Variants in COMMD10 observed in about 807,000 individuals in gnomAD.
COMMD10 encodes COMM domain containing 10, also known as COMM domain-containing protein 10.
A neutral mutation model predicts 28.9 loss-of-function variants in COMMD10; 33 were observed. The ratio of observed to expected loss-of-function variants is 1.14; its 90% CI spans 0.87 to 1.53. The LOEUF is 1.53. Among genes scored for constraint, COMMD10 ranks in the 40% most tolerant of loss-of-function variants. COMMD10 has a pLI of 0.00. For synonymous variants in COMMD10, 110 were observed against 81.7 expected (o/e 1.35, Z -1.87); for missense variants, 310 against 233.4 (o/e 1.33, Z -2.14).
chr5:116,280,021 G>C (rs1297060844), intron 5 of COMMD10, among the ~76,000 whole-genome samples: 1 of 151,824 alleles, frequency 6.6e-6, no homozygotes, highest in Non-Finnish European at 1.5e-5. Context: ...GCGATCTGAA[G>C]TTACCACAGT....
chr5:116,222,921 G>A lies in COMMD10; in HGVS notation c.511-68596G>A, dbSNP rs115264040. Among the ~76,000 whole-genome samples, 687 of 152,166 alleles carry A rather than the reference G, an allele frequency of 4.5e-3. 5 individuals carry two copies. Among genetic ancestry groups the A allele is most frequent in the African/African-American group, 0.015 (631 of 41,502 alleles). On this transcript the variant is annotated intron_variant, in intron 5 of 6. Coordinates refer to ENST00000274458, the MANE Select transcript of COMMD10 (RefSeq NM_016144.4). ...TTGATCAGGCTTGTCTTGAACACCT[G>A]ACCTTGTGATCCACCCACCTCAGCC...
In COMMD10 at chr5:116,092,720, A is replaced by T; in HGVS notation, c.399+20A>T. On this transcript the variant is annotated intron_variant, in intron 4 of 6. Transcript: ENST00000274458. ...TGTAAGGTATAGAACATACTGTCTT[A>T]AATATGTTTTTCAATAACATATGGC... The T allele has an allele frequency of 1.3e-6, 2 of 1,488,860 alleles. No homozygotes were observed. Among genetic ancestry groups the T allele is most frequent in the South Asian group, 2.8e-5 (2 of 72,308 alleles). 92.2% of individuals were successfully genotyped at this position (1,488,860 alleles called of 1,614,324 possible). A position where few individuals can be genotyped will look rare whatever the true frequency, so the allele number is the denominator to read the frequency against.
In COMMD10 at chr5:116,140,332, C is replaced by T. The variant is rs191795564; in HGVS notation, c.510+6154C>T. Among the ~76,000 whole-genome samples, 18 of 150,906 alleles carry T rather than the reference C, an allele frequency of 1.2e-4. No homozygotes were observed. The East Asian group carries it at 3.5e-3, about 29-fold the overall frequency. ...ACACATACACATACCACAATTTATC[C>T]ATTGATAGATAGTTACGTTGTTTCC... On this transcript the variant is annotated intron_variant, in intron 5 of 6. Coordinates refer to ENST00000274458, the MANE Select transcript of COMMD10 (RefSeq NM_016144.4).
chr5:116,198,537 C>A (rs62384235), intron 5 of COMMD10, among the ~76,000 whole-genome samples: 1 of 151,954 alleles, frequency 6.6e-6, no homozygotes, highest in Non-Finnish European at 1.5e-5. Flanking sequence ...TCACTCAAGA[C>A]CCTAGTTAAT....
At chr5:116,237,459 T>A (rs1370917445) in intron 5 of COMMD10, among the ~76,000 whole-genome samples, 5 of 148,720 alleles carry the variant, frequency 3.4e-5, no homozygotes, top group Non-Finnish European at 7.4e-5. Context: ...CATAAGTTCA[T>A]AAACTTGAAA....
chr5:116,215,575 T>C (rs1185752512), intron 5 of COMMD10, among the ~76,000 whole-genome samples: 2 of 151,434 alleles, frequency 1.3e-5, no homozygotes, highest in Admixed American at 6.6e-5. Flanking sequence ...TAGTTCCAGC[T>C]ACTCAGGAGG....
chr5:116,172,099 G>C (rs750039902), intron 5 of COMMD10, among the ~76,000 whole-genome samples: 1 of 152,064 alleles, frequency 6.6e-6, no homozygotes, highest in Non-Finnish European at 1.5e-5. Flanking sequence ...CCAAAGGCTG[G>C]AAAAATATAT....
At chr5:116,170,633 C>G (rs1240077936) in intron 5 of COMMD10, among the ~76,000 whole-genome samples, 3 of 152,128 alleles carry the variant, frequency 2.0e-5, no homozygotes, top group African/African-American at 7.2e-5. Context: ...GGTACCAAAA[C>G]AGATATATAT....
chr5:116,121,829 A>T (rs565755897), intron 4 of COMMD10, among the ~76,000 whole-genome samples: 4 of 151,592 alleles, frequency 2.6e-5, no homozygotes, highest in Non-Finnish European at 5.9e-5. Context: ...GAATGGGGTT[A>T]TTTGTTTTTT....
chr5:116,273,843 C>T (rs1435030516), intron 5 of COMMD10, among the ~76,000 whole-genome samples: 1 of 151,534 alleles, frequency 6.6e-6, no homozygotes, highest in Non-Finnish European at 1.5e-5. Context: ...GAACTAAAGT[C>T]ATCATTCAAA....
At chr5:116,181,891 G>A (rs1464560738) in intron 5 of COMMD10, among the ~76,000 whole-genome samples, 1 of 151,926 alleles carries the variant, frequency 6.6e-6, no homozygotes, top group Non-Finnish European at 1.5e-5. Flanking sequence ...CATCTAATAT[G>A]TGCCAGGCAT....
At chr5:116,088,858 C>A (rs531769890) in intron 2 of COMMD10, among the ~76,000 whole-genome samples, 1 of 152,302 alleles carries the variant, frequency 6.6e-6, no homozygotes, top group African/African-American at 2.4e-5. Context: ...GCAACCAAAT[C>A]CCCAAACCTA....
chr5:116,277,453 GA>G (rs370913782), intron 5 of COMMD10, among the ~76,000 whole-genome samples: 1 of 151,866 alleles, frequency 6.6e-6, no homozygotes, highest in African/African-American at 2.4e-5. Flanking sequence ...TTTTCTTCTG[GA>G]TAGTTACTGC....
At position 116,119,495 on chromosome 5, in the gene COMMD10, A is replaced by G. The variant is rs1161100690; in HGVS notation, c.400-14573A>G. 2.6e-5 allele frequency among the ~76,000 whole-genome samples: 4 copies of G among 152,142 alleles called. No homozygotes were observed. The East Asian group carries it at 5.8e-4, about 22-fold the overall frequency. On this transcript the variant is annotated intron_variant, in intron 4 of 6. Coordinates refer to ENST00000274458, the MANE Select transcript of COMMD10 (RefSeq NM_016144.4). ...TAACCCTGTTGGAGATTTGTGCAGT[A>G]TGTCTTATGAAAGTAGGCAGTCACT...
At chr5:116,182,387 T>C (rs1042676122) in intron 5 of COMMD10, among the ~76,000 whole-genome samples, 1 of 151,874 alleles carries the variant, frequency 6.6e-6, no homozygotes, top group Non-Finnish European at 1.5e-5. Context: ...GTAGTATTGT[T>C]TACTGAAATG....
chr5:116,191,743 G>A (rs576744360), intron 5 of COMMD10, among the ~76,000 whole-genome samples: 8 of 151,810 alleles, frequency 5.3e-5, no homozygotes, highest in Non-Finnish European at 1.2e-4. Context: ...ATAATCTTGG[G>A]AGTTCTAAGC....
intron 5 of COMMD10, among the ~76,000 whole-genome samples, chr5:116,182,474 G>T (rs1366739308): frequency 6.6e-6 from 1 of 151,966 alleles, no homozygotes; most frequent in East Asian, 1.9e-4. Context: ...AGTCAGTTGA[G>T]GTGATTAAAA....
intron 5 of COMMD10, among the ~76,000 whole-genome samples, chr5:116,184,982 T>C (rs973265886): frequency 3.9e-5 from 6 of 152,106 alleles, no homozygotes; most frequent in African/African-American, 1.4e-4. Flanking sequence ...GAGAATAATA[T>C]GACTTCCTGA....
At chr5:116,225,808 G>GA (rs1233479598) in intron 5 of COMMD10, among the ~76,000 whole-genome samples, 2 of 147,998 alleles carry the variant, frequency 1.4e-5, no homozygotes, top group African/African-American at 5.0e-5. Flanking sequence ...CTAAAATCTT[G>GA]TTTTTTTTTT....
Sources: gnomAD v4.1 joint callset for allele counts (sites outside exome capture counted in the v4.1 genomes callset) on GRCh38, gnomAD v4.1.1 for gene constraint, MANE v1.5 for transcripts, NCBI Gene and HGNC (gene_info 2026-07-23, HGNC 2026-07-21) for gene names.